Variants in SCLT1 observed in about 807,000 individuals in gnomAD.
SCLT1 encodes the protein sodium channel and clathrin linker 1.
In SCLT1, 78 loss-of-function variants were observed where a neutral mutation model predicts 112.8. That is an observed-to-expected ratio of 0.69 (90% CI 0.58 to 0.83). The LOEUF is 0.83. SCLT1 is among the 40% of genes least tolerant of loss of function. SCLT1 has a pLI of 0.00. For synonymous variants in SCLT1, 257 were observed against 254.7 expected (o/e 1.01, Z -0.09); for missense variants, 747 against 770.4 (o/e 0.97, Z 0.36).
chr4:128,897,738 AAG>A (rs1733900181), intron 18 of SCLT1, among the ~76,000 whole-genome samples: 1 of 152,238 alleles, frequency 6.6e-6, no homozygotes, highest in South Asian at 2.1e-4. Context: ...AAATTGGATA[AAG>A]AGTCAAGACA....
rs376518646 is a variant in SCLT1 at position 128,904,162 on chromosome 4, C to T, written c.1830-13025G>A. ...ACTGTACCCAATTTCTCTATAATTT[C>T]TGGCTTATTATAGGGTATAAGGATC... On this transcript the variant is annotated intron_variant, in intron 18 of 20. Transcript: ENST00000281142. Among the ~76,000 whole-genome samples the T allele has an allele frequency of 5.9e-5, 9 of 152,080 alleles. No individual in the cohort carries two copies. In the East Asian group the frequency reaches 1.7e-3, roughly 29 times the overall value.
intron 2 of SCLT1, among the ~76,000 whole-genome samples, chr4:129,072,709 G>A (rs1189988788): frequency 6.6e-6 from 1 of 151,918 alleles, no homozygotes; most frequent in African/African-American, 2.4e-5. Context: ...TTCACTTCTT[G>A]TCTCATTTTT....
intron 5 of SCLT1, among the ~76,000 whole-genome samples, chr4:129,010,212 A>C (rs1744398405): frequency 6.6e-6 from 1 of 152,174 alleles, no homozygotes; most frequent in African/African-American, 2.4e-5. Context: ...TTTGTCGAGA[A>C]TCAGATAGTT....
intron 2 of SCLT1, among the ~76,000 whole-genome samples, chr4:129,074,347 A>G (rs1481802269): frequency 6.6e-6 from 1 of 152,200 alleles, no homozygotes. Context: ...TACGAACCTA[A>G]GAATAAATGA....
At chr4:128,886,169 A>C (rs73850022) in intron 20 of SCLT1, among the ~76,000 whole-genome samples, 2,216 of 152,168 alleles carry the variant, frequency 0.015, 55 homozygotes, top group African/African-American at 0.05. Context: ...GATTTAAAAA[A>C]CTCATATGTT....
intron 18 of SCLT1, among the ~76,000 whole-genome samples, chr4:128,913,321 A>G (rs1735239093): frequency 6.6e-6 from 1 of 152,198 alleles, no homozygotes; most frequent in African/African-American, 2.4e-5. Context: ...CAGGCATGGG[A>G]AAATATAACT....
At chr4:128,945,334 C>T (rs905105885) in intron 16 of SCLT1, among the ~76,000 whole-genome samples, 1 of 152,066 alleles carries the variant, frequency 6.6e-6, no homozygotes, top group Non-Finnish European at 1.5e-5. Flanking sequence ...TGGAATAAAC[C>T]AGCTCCTCCT....
At chr4:129,041,495 T>C (rs1475722242) in intron 4 of SCLT1, among the ~76,000 whole-genome samples, 3 of 152,234 alleles carry the variant, frequency 2.0e-5, no homozygotes, top group African/African-American at 7.2e-5. Context: ...TAAAGCTACA[T>C]ATCAATGCAT....
chr4:129,058,545 T>A (rs567798745), intron 2 of SCLT1, among the ~76,000 whole-genome samples: 11 of 152,232 alleles, frequency 7.2e-5, no homozygotes, highest in South Asian at 2.1e-4. Flanking sequence ...GTTACTGAAT[T>A]ATAGTTTTAT....
chr4:128,912,243 T>C (rs1317539085), intron 18 of SCLT1, among the ~76,000 whole-genome samples: 3 of 152,164 alleles, frequency 2.0e-5, no homozygotes, highest in African/African-American at 7.2e-5. Flanking sequence ...ACTATACCAT[T>C]GAATCACTAA....
intron 18 of SCLT1, among the ~76,000 whole-genome samples, chr4:128,897,778 A>G (rs889905089): frequency 1.6e-4 from 25 of 152,200 alleles, no homozygotes; most frequent in African/African-American, 5.8e-4. Flanking sequence ...CAGGAAACCC[A>G]TCTCACCTGC....
chr4:128,917,877 G>A (rs1735590040), intron 18 of SCLT1, among the ~76,000 whole-genome samples: 1 of 152,010 alleles, frequency 6.6e-6, no homozygotes, highest in Non-Finnish European at 1.5e-5. Context: ...CCTCTCCATC[G>A]TTGATCTGGC....
At chr4:129,062,190 T>C (rs1336165542) in intron 2 of SCLT1, among the ~76,000 whole-genome samples, 2 of 152,280 alleles carry the variant, frequency 1.3e-5, no homozygotes, top group Non-Finnish European at 2.9e-5. Context: ...GTTGGTGTAA[T>C]GGAAGCCCGT....
intron 1 of SCLT1, among the ~76,000 whole-genome samples, chr4:129,083,527 C>T (rs1002833200): frequency 3.3e-5 from 5 of 151,182 alleles, no homozygotes; most frequent in Non-Finnish European, 7.4e-5. Context: ...CATGGTAGCT[C>T]ATGCCTATAA....
chr4:129,046,788 G>T (rs1748224198), intron 2 of SCLT1, among the ~76,000 whole-genome samples: 1 of 152,004 alleles, frequency 6.6e-6, no homozygotes, highest in South Asian at 2.1e-4. Context: ...CTCTCCCACA[G>T]GCAGTATATG....
chr4:128,919,506 G>T (rs1735720290), intron 18 of SCLT1, among the ~76,000 whole-genome samples: 2 of 151,606 alleles, frequency 1.3e-5, no homozygotes, highest in Admixed American at 1.3e-4. Flanking sequence ...ACACCTAGAG[G>T]AACAAGGCAA....
chr4:128,875,559 A>G (rs1272488000), intron 4 of SCLT1, among the ~76,000 whole-genome samples: 1 of 152,252 alleles, frequency 6.6e-6, no homozygotes, highest in Non-Finnish European at 1.5e-5. Context: ...TACCAGGCAC[A>G]TGACATTGGC....
At chr4:128,877,906 TCACATGCATATTTATGTAACA>T (rs1305645011) in intron 3 of SCLT1, among the ~76,000 whole-genome samples, 1 of 152,146 alleles carries the variant, frequency 6.6e-6, no homozygotes, top group African/African-American at 2.4e-5. Context: ...GAATTAATTG[TCACATGCATATTTATGTAACA>T]CACATACATA....
intron 18 of SCLT1, among the ~76,000 whole-genome samples, chr4:128,896,894 C>A (rs554967116): frequency 6.6e-6 from 1 of 150,962 alleles, no homozygotes; most frequent in Non-Finnish European, 1.5e-5. Context: ...CCTCAGTAGC[C>A]GATTCGATCA....
Sources: allele counts gnomAD v4.1 joint callset (sites outside exome capture counted in the v4.1 genomes callset), GRCh38; gene constraint gnomAD v4.1.1; transcripts MANE v1.5; gene names NCBI Gene and HGNC (gene_info 2026-07-23, HGNC 2026-07-21).